The following ACOX3 variants were observed in gnomAD, a reference collection of about 807,000 sequenced individuals.
ACOX3 encodes acyl-CoA oxidase 3, pristanoyl, also known as peroxisomal acyl-coenzyme A oxidase 3.
Under a neutral mutation model 81.5 loss-of-function variants are expected in ACOX3, and 73 were observed. The observed-to-expected ratio is 0.90, with a 90% CI of 0.74 to 1.09. ACOX3 has a LOEUF of 1.09. ACOX3 is among the 50% of genes least tolerant of loss of function. The pLI, the probability that ACOX3 is intolerant of heterozygous loss-of-function variation, is 0.00. For missense variants in ACOX3, 947 were observed against 928.0 expected (o/e 1.02, Z -0.27); for synonymous variants, 387 against 375.1 (o/e 1.03, Z -0.37).
chr4:8,356,218 C>A, the ACOX3 span: 7 of 287,814 alleles, frequency 2.4e-5, no homozygotes, highest in Non-Finnish European at 4.8e-5. Flanking sequence ...GAGGGAAGTC[C>A]CACATCCAAT....
rs1718660603 is a variant in ACOX3 at position 8,389,144 on chromosome 4, C to G, written c.1537+29G>C. ...GTGGGAATGACAGGAAATCAGGAGG[C>G]CAGGGGAGCCCTCCACCTGTGTGTT... On this transcript the variant is annotated intron_variant, in intron 13 of 17. Transcript: ENST00000356406. The surrounding 1 kb of genome is among the most constrained non-coding windows in gnomAD (Gnocchi z 5.3). 1 of 1,565,760 alleles carries G rather than the reference C, an allele frequency of 6.4e-7. No homozygotes were observed. The highest frequency in any genetic ancestry group is 1.4e-5 in the African/African-American group (1 of 74,026).
chr4:8,372,907 T>C (rs377150751), intron 16 of ACOX3, among the ~76,000 whole-genome samples: 100 of 152,168 alleles, frequency 6.6e-4, no homozygotes, highest in African/African-American at 2.2e-3. Context: ...TCAAAATCAG[T>C]GCAATGAAAG....
At chr4:8,365,532 T>A (rs569400264), downstream of ACOX3, among the ~76,000 whole-genome samples, 18 of 152,200 alleles carry the variant, frequency 1.2e-4, no homozygotes, top group Non-Finnish European at 2.4e-4. Context: ...CTCGGCCACC[T>A]CCTGCTGTCT....
rs1429539264 is a variant in ACOX3, at chr4:8,414,257, C to T, written c.543+35G>A. ...TTGCACTCATGACGTCTCATATGCT[C>T]CAAACTCAGGGACCCGGGGGAAGGT... is the stretch of plus-strand genomic sequence containing the variant. On this transcript the variant is annotated intron_variant, in intron 5 of 17. Transcript: ENST00000356406. The surrounding 1 kb of genome is among the most constrained non-coding windows in gnomAD (Gnocchi z 6.1). 5 of 1,583,926 alleles carry T rather than the reference C, an allele frequency of 3.2e-6. No homozygotes were observed. The highest frequency in any genetic ancestry group is 4.3e-6 in the Non-Finnish European group (5 of 1,153,036).
the ACOX3 span, chr4:8,358,005 T>C: frequency 6.5e-6 from 1 of 152,724 alleles, no homozygotes; most frequent in Non-Finnish European, 1.5e-5. Flanking sequence ...TAGACACAAC[T>C]GACCAACATT....
intron 15 of ACOX3, 158 bp downstream of exon 15, chr4:8,374,820 T>G (rs1322691456): frequency 5.1e-6 from 4 of 788,844 alleles, no homozygotes; most frequent in Non-Finnish European, 7.4e-6. Context: ...CATATGCTTC[T>G]CATTATGGAA....
In ACOX3 at chr4:8,399,809, A is replaced by G. The variant is rs1720158853; in HGVS notation, c.777-157T>C. Among the ~76,000 whole-genome samples, 1 of 152,238 alleles carries G rather than the reference A, an allele frequency of 6.6e-6. No individual in the cohort carries two copies. The highest frequency in any genetic ancestry group is 1.5e-5 in the Non-Finnish European group (1 of 68,038). On this transcript the variant is annotated intron_variant, in intron 7 of 17. Coordinates refer to ENST00000356406, the MANE Select transcript of ACOX3 (RefSeq NM_003501.3). The surrounding 1 kb of genome is among the most constrained non-coding windows in gnomAD (Gnocchi z 4.9). ...CATTCAACCAACTTTCTATTCAAAAAAGTAGTCTAGTCAGGAACAGTGGCT... is the reference window on the plus strand; with the variant it reads ...CATTCAACCAACTTTCTATTCAAAAGAGTAGTCTAGTCAGGAACAGTGGCT...
intron 1 of ACOX3, among the ~76,000 whole-genome samples, chr4:8,425,184 T>A (rs1723340023): frequency 6.6e-6 from 1 of 151,328 alleles, no homozygotes; most frequent in Non-Finnish European, 1.5e-5. Context: ...GCCGGGGTGA[T>A]CAGAAAGGAA....
chr4:8,404,817 G>A lies in ACOX3; in HGVS notation c.776+1138C>T, dbSNP rs1042431648. 3.3e-5 allele frequency among the ~76,000 whole-genome samples: 5 copies of A among 152,254 alleles called. No homozygotes were observed. In the East Asian group the frequency reaches 9.7e-4, roughly 29 times the overall value. The stretch of plus-strand genomic sequence containing the variant: ...CACGCATATCTAGAAACACTCCTGA[G>A]ACATCTTTCAGGCTATCAGGCTCAG... On this transcript the variant is annotated intron_variant, in intron 7 of 17. Coordinates refer to ENST00000356406, the MANE Select transcript of ACOX3 (RefSeq NM_003501.3).
rs1053993492 is a variant in ACOX3, at chr4:8,370,215, C to T, written c.1983+693G>A. Among the ~76,000 whole-genome samples the T allele has an allele frequency of 2.6e-5, 4 of 152,304 alleles. No individual in the cohort carries two copies. The highest frequency in any genetic ancestry group is 3.9e-4 in the East Asian group (2 of 5,184). ...GTGGGCATGGGCCTGGCGCGACAGA[C>T]GGGGAGGCCAGTAAGGCTAGATCTG... On this transcript the variant is annotated intron_variant, in intron 17 of 17. Coordinates refer to ENST00000356406, the MANE Select transcript of ACOX3 (RefSeq NM_003501.3). The surrounding 1 kb of genome is among the most constrained non-coding windows in gnomAD (Gnocchi z 6.3).
At chr4:8,404,368 C>T (rs1720697995) in intron 7 of ACOX3, among the ~76,000 whole-genome samples, 1 of 151,948 alleles carries the variant, frequency 6.6e-6, no homozygotes, top group Admixed American at 6.6e-5. Flanking sequence ...TAGTATAAGC[C>T]AGTGAGAACC....
chr4:8,375,496 C>T (rs898315858), intron 14 of ACOX3, among the ~76,000 whole-genome samples: 6 of 152,204 alleles, frequency 3.9e-5, no homozygotes, highest in Middle Eastern at 3.2e-3. Flanking sequence ...ACAGAGTGGG[C>T]GCCCACCAGG....
chr4:8,389,737 G>A lies in ACOX3; in HGVS notation c.1301-3C>T, dbSNP rs766899375. 12 of 1,613,664 alleles carry A rather than the reference G, an allele frequency of 7.4e-6. No individual in the cohort carries two copies. The Middle Eastern group carries it at 1.5e-3, about 200-fold the overall frequency. Reference sequence around the variant, plus strand: ...TCTAAGGACACCCAACCGGTTCACTGCAACAAAGCCACAATAGTACCATCA... The same window carrying A: ...TCTAAGGACACCCAACCGGTTCACTACAACAAAGCCACAATAGTACCATCA... On this transcript the variant is annotated splice_polypyrimidine_tract_variant and splice_region_variant and intron_variant, in intron 11 of 17. Coordinates refer to ENST00000356406, the MANE Select transcript of ACOX3 (RefSeq NM_003501.3). The surrounding 1 kb of genome is among the most constrained non-coding windows in gnomAD (Gnocchi z 5.3).
chr4:8,420,232 G>A (rs1485636389), intron 1 of ACOX3, among the ~76,000 whole-genome samples: 2 of 152,206 alleles, frequency 1.3e-5, no homozygotes, highest in African/African-American at 2.4e-5. Context: ...CAACCTTACT[G>A]CATTATGGTA....
In ACOX3 at chr4:8,406,615, G is replaced by A. The variant is rs1720992573; in HGVS notation, c.688-572C>T. Reference sequence around the variant, plus strand: ...GACAAAGGCAGGATAAGGAGAGTGAGCCATCTCCAATGATAGGTAAGACCA... The same window carrying A: ...GACAAAGGCAGGATAAGGAGAGTGAACCATCTCCAATGATAGGTAAGACCA... On this transcript the variant is annotated intron_variant, in intron 6 of 17. Coordinates refer to ENST00000356406, the MANE Select transcript of ACOX3 (RefSeq NM_003501.3). The surrounding 1 kb of genome is among the most constrained non-coding windows in gnomAD (Gnocchi z 5.6). Among the ~76,000 whole-genome samples, 4 of 152,304 alleles carry A rather than the reference G, an allele frequency of 2.6e-5. No homozygotes were observed. The South Asian group carries it at 6.2e-4, about 24-fold the overall frequency.
chr4:8,357,166 C>A, the ACOX3 span: 1 of 456,264 alleles, frequency 2.2e-6, no homozygotes, highest in Non-Finnish European at 4.4e-6. Context: ...GTGAGCAGAA[C>A]GGTGCATGCT....
chr4:8,369,085 T>G (rs1191918002), intron 17 of ACOX3, among the ~76,000 whole-genome samples: 2 of 152,128 alleles, frequency 1.3e-5, no homozygotes, highest in Non-Finnish European at 2.9e-5. Context: ...GGGCAAGGTC[T>G]CTCCTTTCCT....
Position 8,366,485 on chromosome 4 carries a change from A to G in ACOX3, c.*476T>C, listed in dbSNP as rs1715460348. Reference sequence around the variant, plus strand: ...CAGATGATCTATGTGCAAATTAATAAGGTTATGACATAATTCAATTATGTG... The same window carrying G: ...CAGATGATCTATGTGCAAATTAATAGGGTTATGACATAATTCAATTATGTG... On this transcript the variant is annotated 3_prime_UTR_variant, in exon 18 of 18. Transcript: ENST00000356406. 6.5e-6 allele frequency: 1 copy of G among 152,836 alleles called. No individual in the cohort carries two copies. Among genetic ancestry groups the G allele is most frequent in the African/African-American group, 2.4e-5 (1 of 41,478 alleles). The allele number at this position is 152,836 out of a possible 1,614,324, so 9.5% of individuals were successfully genotyped here.
chr4:8,425,546 T>G (rs987624051), intron 1 of ACOX3, among the ~76,000 whole-genome samples: 4 of 151,194 alleles, frequency 2.6e-5, no homozygotes, highest in Non-Finnish European at 5.9e-5. Flanking sequence ...ATCAAGCAGA[T>G]AGTCAGGGCC....
Sources: allele counts gnomAD v4.1 joint callset (sites outside exome capture counted in the v4.1 genomes callset), GRCh38; gene constraint gnomAD v4.1.1; non-coding constraint Gnocchi (gnomAD v3.1); transcripts MANE v1.5; gene names NCBI Gene and HGNC (gene_info 2026-07-23, HGNC 2026-07-21).